Variants in NSG1 observed in about 807,000 individuals in gnomAD.
NSG1 encodes neuronal vesicle trafficking-associated protein 1.
Under a neutral mutation model 19.3 loss-of-function variants are expected in NSG1, and 9 were observed. That is an observed-to-expected ratio of 0.47 (90% CI 0.28 to 0.81). The LOEUF (loss-of-function observed/expected upper bound fraction) is 0.81, where lower values mean the gene tolerates loss of function less well. Ranked by LOEUF, NSG1 falls within the 40% of genes least tolerant of loss-of-function variation. The probability of loss-of-function intolerance (pLI) is 0.11; values close to 1 mark genes in which losing one functional copy is unlikely to be tolerated. For missense variants in NSG1, 236 were observed against 242.4 expected (o/e 0.97, Z 0.18); for synonymous variants, 104 against 107.0 (o/e 0.97, Z 0.17).
intron 3 of NSG1, among the ~76,000 whole-genome samples, chr4:4,402,750 G>A (rs1310523007): frequency 2.0e-5 from 3 of 152,162 alleles, no homozygotes; most frequent in Admixed American, 6.5e-5. Context: ...GGCACGGTGG[G>A]CCCGGGTGTG....
At chr4:4,407,020 C>A (rs1401777280) in intron 3 of NSG1, among the ~76,000 whole-genome samples, 4 of 152,268 alleles carry the variant, frequency 2.6e-5, no homozygotes, top group Non-Finnish European at 5.9e-5. Flanking sequence ...CTGTGCACTG[C>A]AGCTGTGATC....
At chr4:4,395,676 G>A (rs1485959737) in intron 3 of NSG1, among the ~76,000 whole-genome samples, 1 of 152,130 alleles carries the variant, frequency 6.6e-6, no homozygotes, top group African/African-American at 2.4e-5. Context: ...GCTGTGGTTG[G>A]GACAGAGCAT....
At chr4:4,407,169 TAGAG>T (rs144222287) in intron 3 of NSG1, among the ~76,000 whole-genome samples, 2,059 of 152,208 alleles carry the variant, frequency 0.014, 46 homozygotes, top group African/African-American at 0.047. Flanking sequence ...CTCTGGCCCT[TAGAG>T]AGGGTGATGG....
intron 4 of NSG1, among the ~76,000 whole-genome samples, chr4:4,415,004 A>T (rs1039257462): frequency 6.6e-6 from 1 of 152,174 alleles, no homozygotes; most frequent in African/African-American, 2.4e-5. Context: ...AAAAAGTTTT[A>T]AACATAATGG....
chr4:4,387,561 C>CCCGGGGG, intron 1 of NSG1, 43 bp from the exon 2 acceptor site: 3 of 1,141,980 alleles, frequency 2.6e-6, no homozygotes, highest in East Asian at 2.7e-5. Context: ...CGCCCCGCCC[C>CCCGGGGG]GGGTCTTGCT....
chr4:4,415,878 G>A, intron 4 of NSG1: 1 of 548,464 alleles, frequency 1.8e-6, no homozygotes, highest in South Asian at 2.1e-5. Flanking sequence ...GGCTGGAGGG[G>A]AGTTTGTCTG....
intron 3 of NSG1, among the ~76,000 whole-genome samples, chr4:4,395,754 T>C (rs906072324): frequency 6.6e-6 from 1 of 152,208 alleles, no homozygotes; most frequent in African/African-American, 2.4e-5. Context: ...ATCTTAGCTC[T>C]TTCATCTCCA....
rs901126782 is a variant in NSG1, at chr4:4,418,836, G to T, written c.*1401G>T. ...TGGCGCAGCGGTGTGCATCAGAGGCGTGTGCTGAGAAGGGTGGTGTTAAGC... is the reference window on the plus strand; with the variant it reads ...TGGCGCAGCGGTGTGCATCAGAGGCTTGTGCTGAGAAGGGTGGTGTTAAGC... On this transcript the variant is annotated 3_prime_UTR_variant, in exon 5 of 5. Coordinates refer to ENST00000621129, the MANE Select transcript of NSG1 (RefSeq NM_014392.5). 1 of 152,464 alleles carries T rather than the reference G, an allele frequency of 6.6e-6. No individual in the cohort carries two copies. The highest frequency in any genetic ancestry group is 1.9e-4 in the East Asian group (1 of 5,186). The allele number at this position is 152,464 out of a possible 1,614,324, so 9.4% of individuals were successfully genotyped here. A position where few individuals can be genotyped will look rare whatever the true frequency, so the allele number is the denominator to read the frequency against.
chr4:4,409,492 G>C, intron 3 of NSG1, 81 bp from the exon 4 acceptor site: 4 of 994,324 alleles, frequency 4.0e-6, no homozygotes, highest in Middle Eastern at 2.1e-4. Context: ...GCTGTGTGGG[G>C]GGGGGCCTTC....
At chr4:4,414,386 T>C (rs1724399953) in intron 4 of NSG1, among the ~76,000 whole-genome samples, 1 of 151,930 alleles carries the variant, frequency 6.6e-6, no homozygotes, top group Admixed American at 6.6e-5. Flanking sequence ...TCTGGAGTGA[T>C]GTCCTGTGGG....
At chr4:4,392,010 T>G (rs905414539) in intron 3 of NSG1, among the ~76,000 whole-genome samples, 3 of 152,214 alleles carry the variant, frequency 2.0e-5, no homozygotes, top group Non-Finnish European at 4.4e-5. Flanking sequence ...TGAGCTCATC[T>G]GAGCAACCCT....
intron 3 of NSG1, among the ~76,000 whole-genome samples, chr4:4,396,775 G>C (rs942984651): frequency 5.3e-5 from 8 of 151,676 alleles, no homozygotes; most frequent in Admixed American, 2.6e-4. Context: ...ACATTCTCCA[G>C]TAAGCCCCTG....
intron 2 of NSG1, among the ~76,000 whole-genome samples, chr4:4,390,724 G>A (rs1247888389): frequency 2.0e-5 from 3 of 152,210 alleles, no homozygotes; most frequent in Non-Finnish European, 2.9e-5. Context: ...CCCTGGCAAC[G>A]GGTGTGGTGA....
At position 4,391,475 on chromosome 4, in the gene NSG1, G is replaced by C; in HGVS notation, c.130G>C (p.Val44Leu). Residue 44 changes from valine (V) to leucine (L), a missense_variant and splice_region_variant, in exon 3 of 5, where the codon GTG (valine) becomes CTG (leucine). Coordinates refer to ENST00000621129, the MANE Select transcript of NSG1 (RefSeq NM_014392.5). ...NQLQFPPPDK[V>L]VVKTKTEYEP... is the part of the protein sequence containing the mutation. ...TTTGTTTCTCTGTTTCCTGGATAAG[G>C]TGGTCGTGAAAACTAAGACCGAGTA... 1 of 1,604,306 alleles carries C rather than the reference G, an allele frequency of 6.2e-7. No homozygotes were observed. The highest frequency in any genetic ancestry group is 8.5e-7 in the Non-Finnish European group (1 of 1,174,214).
chr4:4,400,830 T>C (rs1435242430), intron 3 of NSG1, among the ~76,000 whole-genome samples: 1 of 152,266 alleles, frequency 6.6e-6, no homozygotes, highest in Non-Finnish European at 1.5e-5. Context: ...CAGATCTTGT[T>C]CAGTGTGTTA....
intron 3 of NSG1, among the ~76,000 whole-genome samples, chr4:4,401,283 A>C (rs1248195002): frequency 6.6e-6 from 1 of 152,190 alleles, no homozygotes; most frequent in Non-Finnish European, 1.5e-5. Flanking sequence ...TGCTGTGAGA[A>C]ATGCTAGTTT....
At chr4:4,412,473 C>T (rs1397634933) in intron 4 of NSG1, among the ~76,000 whole-genome samples, 6 of 151,598 alleles carry the variant, frequency 4.0e-5, no homozygotes, top group Non-Finnish European at 7.4e-5. Context: ...TTGGCATTTT[C>T]CACTAGCATC....
At position 4,409,754 on chromosome 4, in the gene NSG1, G is replaced by T. The variant is rs1724070024; in HGVS notation, c.357+71G>T. ...CCATGTTCTCTCCCTTGAACTCAAG[G>T]CTGCTCCTGCCGTCTCCCCCAGCTG... On this transcript the variant is annotated intron_variant, in intron 4 of 4. Coordinates refer to ENST00000621129, the MANE Select transcript of NSG1 (RefSeq NM_014392.5). 6 of 1,237,402 alleles carry T rather than the reference G, an allele frequency of 4.8e-6. No homozygotes were observed. The East Asian group carries it at 1.2e-4, about 24-fold the overall frequency. 76.7% of individuals were successfully genotyped at this position (1,237,402 alleles called of 1,614,324 possible).
chr4:4,407,382 G>A (rs1191811566), intron 3 of NSG1, among the ~76,000 whole-genome samples: 1 of 152,096 alleles, frequency 6.6e-6, no homozygotes, highest in East Asian at 1.9e-4. Flanking sequence ...GTGGGTCTGA[G>A]CTGGGGAGAT....
Sources: allele counts gnomAD v4.1 joint callset (sites outside exome capture counted in the v4.1 genomes callset), GRCh38; gene constraint gnomAD v4.1.1; transcripts MANE v1.5; gene names NCBI Gene and HGNC (gene_info 2026-07-23, HGNC 2026-07-21).